Variants in ADAM32 observed in about 807,000 individuals in gnomAD.
ADAM32 encodes disintegrin and metalloproteinase domain-containing protein 32.
A neutral mutation model predicts 114.9 loss-of-function variants in ADAM32; 89 were observed. The ratio of observed to expected loss-of-function variants is 0.77; its 90% CI spans 0.65 to 0.92. The LOEUF is 0.92. Ranked by LOEUF, ADAM32 falls within the 40% of genes least tolerant of loss-of-function variation. The probability of loss-of-function intolerance (pLI) is 0.00; values close to 1 mark genes in which losing one functional copy is unlikely to be tolerated. For synonymous variants in ADAM32, 285 were observed against 307.5 expected (o/e 0.93, Z 0.77); for missense variants, 870 against 932.8 (o/e 0.93, Z 0.88).
At chr8:39,150,508 C>T (rs1803758819) in intron 5 of ADAM32, among the ~76,000 whole-genome samples, 1 of 152,122 alleles carries the variant, frequency 6.6e-6, no homozygotes, top group South Asian at 2.1e-4. Flanking sequence ...ATTTTTAATA[C>T]TCATAAAAAT....
At chr8:39,129,921 CA>C (rs1802337310) in intron 2 of ADAM32, 1 of 364,972 alleles carries the variant, frequency 2.7e-6, no homozygotes, top group Non-Finnish European at 5.4e-6. Flanking sequence ...CTAAGTTATC[CA>C]ATATGTTGGC....
intron 10 of ADAM32, among the ~76,000 whole-genome samples, chr8:39,186,464 A>C (rs1806253298): frequency 6.6e-6 from 1 of 152,208 alleles, no homozygotes; most frequent in Admixed American, 6.5e-5. Flanking sequence ...CCTAGTAGGC[A>C]GCAGGGTGAG....
At position 39,274,339 on chromosome 8, in the gene ADAM32, A is replaced by G; in HGVS notation, c.2229A>G (p.Thr743=). ...SQSSSEGSTQ[T]YASQTRSESS... Reference sequence around the variant, plus strand: ...CCAGCTCAGAAGGCAGCACTCAGACATATGCCAGCCAGTAAGTAGGTTAGA... The same window carrying G: ...CCAGCTCAGAAGGCAGCACTCAGACGTATGCCAGCCAGTAAGTAGGTTAGA... The change falls in exon 21 of 25, where the codon ACA becomes ACG. Residue 743 remains threonine (T), a synonymous_variant. Transcript: ENST00000379907. 2.5e-6 allele frequency: 4 copies of G among 1,613,288 alleles called. No individual in the cohort carries two copies. Among genetic ancestry groups the G allele is most frequent in the East Asian group, 2.2e-5 (1 of 44,826 alleles).
intron 11 of ADAM32, among the ~76,000 whole-genome samples, chr8:39,205,007 C>A (rs191316082): frequency 1.3e-5 from 2 of 152,214 alleles, no homozygotes; most frequent in African/African-American, 4.8e-5. Context: ...CAGAGGGGTA[C>A]TTGGCCCTGT....
At chr8:39,255,277 A>C (rs1164870992) in intron 18 of ADAM32, among the ~76,000 whole-genome samples, 1 of 151,892 alleles carries the variant, frequency 6.6e-6, no homozygotes, top group Non-Finnish European at 1.5e-5. Flanking sequence ...TGGTAGATCT[A>C]CTTTTGGTTC....
chr8:39,269,318 C>T (rs904381838), intron 19 of ADAM32, among the ~76,000 whole-genome samples: 4 of 152,144 alleles, frequency 2.6e-5, no homozygotes, highest in African/African-American at 4.8e-5. Context: ...TCTCAAAGTT[C>T]GCTGTACTGC....
chr8:39,220,302 C>A (rs554378582), intron 12 of ADAM32, among the ~76,000 whole-genome samples: 5 of 152,260 alleles, frequency 3.3e-5, no homozygotes, highest in Non-Finnish European at 7.4e-5. Context: ...GATCTTTCTG[C>A]AACCCTTTAC....
chr8:39,232,628 C>T (rs1198648143), intron 15 of ADAM32, among the ~76,000 whole-genome samples: 1 of 152,184 alleles, frequency 6.6e-6, no homozygotes. Flanking sequence ...TTTGTAGACT[C>T]ATAAACATAC....
chr8:39,210,154 T>G (rs1808112935), intron 11 of ADAM32, among the ~76,000 whole-genome samples: 2 of 152,168 alleles, frequency 1.3e-5, no homozygotes, highest in African/African-American at 2.4e-5. Flanking sequence ...CAGCCTGGAA[T>G]CAGGGACCAT....
At chr8:39,207,830 G>T (rs1213023529) in intron 11 of ADAM32, among the ~76,000 whole-genome samples, 2 of 152,124 alleles carry the variant, frequency 1.3e-5, no homozygotes, top group Admixed American at 1.3e-4. Context: ...TGAGGTGTTT[G>T]TCTCTGTGTC....
intron 6 of ADAM32, among the ~76,000 whole-genome samples, chr8:39,160,676 T>TAG (rs1804451707): frequency 6.6e-6 from 1 of 152,086 alleles, no homozygotes; most frequent in Admixed American, 6.6e-5. Context: ...TTGGAAGTTG[T>TAG]AGATATACTG....
intron 11 of ADAM32, among the ~76,000 whole-genome samples, chr8:39,205,161 C>G (rs761750286): frequency 1.3e-5 from 2 of 152,226 alleles, no homozygotes; most frequent in Non-Finnish European, 2.9e-5. Context: ...AGCTGTCAGA[C>G]AGGGACATTT....
At chr8:39,189,500 T>C (rs771615739) in intron 11 of ADAM32, among the ~76,000 whole-genome samples, 7 of 152,188 alleles carry the variant, frequency 4.6e-5, no homozygotes, top group Non-Finnish European at 1.0e-4. Context: ...ATATAATAAT[T>C]GTACATATTT....
chr8:39,121,014 GAA>G (rs1407501006), intron 2 of ADAM32, among the ~76,000 whole-genome samples: 1 of 152,158 alleles, frequency 6.6e-6, no homozygotes, highest in Non-Finnish European at 1.5e-5. Context: ...AAATGCAAGA[GAA>G]GAGAGGTAAA....
intron 2 of ADAM32, among the ~76,000 whole-genome samples, chr8:39,118,448 C>T (rs1411217887): frequency 2.0e-5 from 3 of 152,044 alleles, no homozygotes; most frequent in African/African-American, 7.2e-5. Flanking sequence ...AGGACATCAG[C>T]ACAAAGAGAA....
rs1314821691 is a variant in ADAM32 at position 39,234,032 on chromosome 8, G to C, written c.1768G>C (p.Val590Leu). ...TGTAGACTACAAATTGCCTCGAACAGTTCCAGATCCACTGGCTGTCAAAAA... is the reference window on the plus strand; with the variant it reads ...TGTAGACTACAAATTGCCTCGAACACTTCCAGATCCACTGGCTGTCAAAAA... ...ITVDYKLPRT[V>L]PDPLAVKNGS... Residue 590 changes from valine to leucine, a missense_variant, in exon 16 of 25, where the codon GTT (valine) becomes CTT (leucine). Val to Leu is a conservative substitution (Grantham distance 32). Transcript: ENST00000379907. The C allele has an allele frequency of 1.3e-6, 2 of 1,515,668 alleles. No homozygotes were observed. The highest frequency in any genetic ancestry group is 2.7e-5 in the South Asian group (2 of 73,686). The allele number at this position is 1,515,668 out of a possible 1,614,324, so 93.9% of individuals were successfully genotyped here.
At chr8:39,272,919 C>T (rs768664523) in intron 20 of ADAM32, among the ~76,000 whole-genome samples, 3 of 152,024 alleles carry the variant, frequency 2.0e-5, no homozygotes, top group Admixed American at 6.5e-5. Flanking sequence ...ATATCTTTAT[C>T]GGCTTTTTTG....
At chr8:39,236,842 A>T (rs956562824) in intron 16 of ADAM32, among the ~76,000 whole-genome samples, 3 of 152,216 alleles carry the variant, frequency 2.0e-5, no homozygotes, top group African/African-American at 7.2e-5. Flanking sequence ...AGGGAGAAAA[A>T]TGGCAGATAG....
intron 3 of ADAM32, among the ~76,000 whole-genome samples, chr8:39,143,548 C>T (rs537580804): frequency 1.9e-4 from 29 of 152,020 alleles, no homozygotes; most frequent in Non-Finnish European, 3.8e-4. Context: ...GGCTGCAGAA[C>T]AGCCAATATT....
Sources: allele counts gnomAD v4.1 joint callset (sites outside exome capture counted in the v4.1 genomes callset), GRCh38; gene constraint gnomAD v4.1.1; transcripts MANE v1.5; gene names NCBI Gene and HGNC (gene_info 2026-07-23, HGNC 2026-07-21).